The following MKX variants were observed in gnomAD, a reference collection of about 807,000 sequenced individuals.
MKX encodes the protein homeobox protein Mohawk.
Under a neutral mutation model 36.0 loss-of-function variants are expected in MKX, and 13 were observed. The ratio of observed to expected loss-of-function variants is 0.36; its 90% CI spans 0.24 to 0.57. The LOEUF (loss-of-function observed/expected upper bound fraction) is 0.57, where lower values mean the gene tolerates loss of function less well. MKX is among the 20% of genes least tolerant of loss of function. The pLI is 0.79. For synonymous variants in MKX, 176 were observed against 178.3 expected (o/e 0.99, Z 0.10); for missense variants, 458 against 456.4 (o/e 1.00, Z -0.03).
intron 5 of MKX, among the ~76,000 whole-genome samples, chr10:27,684,386 C>T (rs957013730): frequency 1.3e-5 from 2 of 151,822 alleles, no homozygotes; most frequent in Non-Finnish European, 2.9e-5. Flanking sequence ...TGTTGTTTTT[C>T]TTTAATAAGA....
At chr10:27,676,671 T>C (rs1400594860) in intron 5 of MKX, among the ~76,000 whole-genome samples, 1 of 152,178 alleles carries the variant, frequency 6.6e-6, no homozygotes, top group African/African-American at 2.4e-5. Flanking sequence ...CCACCGTGCC[T>C]GGCCAGTTAT....
chr10:27,724,943 C>T (rs1204942364), intron 5 of MKX, among the ~76,000 whole-genome samples: 6 of 152,068 alleles, frequency 3.9e-5, no homozygotes, highest in Non-Finnish European at 2.9e-5. Flanking sequence ...AACCTTTCCA[C>T]TCTAGCTATT....
chr10:27,741,369 G>T lies in MKX; in HGVS notation c.324C>A (p.Leu108=), dbSNP rs1010105754. Residue 108 remains leucine (L), a synonymous_variant, in exon 3 of 7, where the codon CTC becomes CTA. Coordinates refer to ENST00000419761, the MANE Select transcript of MKX (RefSeq NM_173576.3). This position sits in a 1 kb window ranked among gnomAD's most constrained non-coding sequence, Gnocchi z 5.1. ...CCTGCACTAGCGTCATCTGCGAGCC[G>T]AGGGCCAAGAGTATCTTCTCGGTCT... ...PTKTEKILLA[L]GSQMTLVQVS... is the part of the protein sequence containing the mutation. The T allele has an allele frequency of 6.2e-7, 1 of 1,613,058 alleles. No homozygotes were observed. The highest frequency in any genetic ancestry group is 8.5e-7 in the Non-Finnish European group (1 of 1,179,616).
At chr10:27,699,642 T>C (rs1836617535) in intron 5 of MKX, among the ~76,000 whole-genome samples, 1 of 152,182 alleles carries the variant, frequency 6.6e-6, no homozygotes, top group Non-Finnish European at 1.5e-5. Context: ...AAGGCTTTCT[T>C]ATAGAAAGAG....
chr10:27,722,155 C>T (rs144237513), intron 5 of MKX, among the ~76,000 whole-genome samples: 8 of 152,274 alleles, frequency 5.3e-5, no homozygotes, highest in South Asian at 2.1e-4. Context: ...AAATGACACA[C>T]GACATAAGGC....
At chr10:27,729,233 T>C (rs560215454) in intron 5 of MKX, among the ~76,000 whole-genome samples, 138 of 151,140 alleles carry the variant, frequency 9.1e-4, no homozygotes, top group Admixed American at 1.6e-3. Flanking sequence ...GATAAATTTA[T>C]AAAGTATATG....
chr10:27,680,664 C>T (rs1463424731), intron 5 of MKX, among the ~76,000 whole-genome samples: 2 of 151,972 alleles, frequency 1.3e-5, no homozygotes, highest in East Asian at 3.8e-4. Context: ...ATCTTTTTCT[C>T]TGAGGTTTTT....
At chr10:27,683,698 C>A (rs1366397218) in intron 5 of MKX, among the ~76,000 whole-genome samples, 2 of 152,202 alleles carry the variant, frequency 1.3e-5, no homozygotes, top group Admixed American at 6.5e-5. Flanking sequence ...GTGTTACTGA[C>A]CTCAGAAGTC....
At chr10:27,685,422 C>A in intron 5 of MKX, among the ~76,000 whole-genome samples, 1 of 148,512 alleles carries the variant, frequency 6.7e-6, no homozygotes, top group African/African-American at 2.5e-5. Flanking sequence ...TTGAGATCTT[C>A]TTTATACTTT....
In MKX at chr10:27,741,217, C is replaced by T. The variant is rs1344896194; in HGVS notation, c.348+128G>A. ...ATGAGGGTGAGAGGTAATTCAGAAACTCCCACAGCTCGGCTCCATCCCTCT... is the reference window on the plus strand; with the variant it reads ...ATGAGGGTGAGAGGTAATTCAGAAATTCCCACAGCTCGGCTCCATCCCTCT... On this transcript the variant is annotated intron_variant, in intron 3 of 6. Coordinates refer to ENST00000419761, the MANE Select transcript of MKX (RefSeq NM_173576.3). The surrounding 1 kb of genome is among the most constrained non-coding windows in gnomAD (Gnocchi z 5.1). 2 of 1,185,640 alleles carry T rather than the reference C, an allele frequency of 1.7e-6. No homozygotes were observed. Among genetic ancestry groups the T allele is most frequent in the Admixed American group, 2.3e-5 (1 of 44,100 alleles). The allele number at this position is 1,185,640 out of a possible 1,614,324, so 73.4% of individuals were successfully genotyped here. A position where few individuals can be genotyped will look rare whatever the true frequency, so the allele number is the denominator to read the frequency against.
At chr10:27,721,672 T>C (rs1279077075) in intron 5 of MKX, among the ~76,000 whole-genome samples, 2 of 152,060 alleles carry the variant, frequency 1.3e-5, no homozygotes, top group African/African-American at 4.8e-5. Flanking sequence ...AGCTAAAGCA[T>C]GTTGGGCTTA....
At chr10:27,708,811 T>TCTGCA (rs1392198366) in intron 5 of MKX, among the ~76,000 whole-genome samples, 1 of 151,776 alleles carries the variant, frequency 6.6e-6, no homozygotes. Flanking sequence ...GAACTCCATG[T>TCTGCA]CTGCATCTGC....
At chr10:27,722,779 C>T (rs1204890539) in intron 5 of MKX, among the ~76,000 whole-genome samples, 3 of 152,106 alleles carry the variant, frequency 2.0e-5, no homozygotes, top group African/African-American at 7.2e-5. Context: ...ATTCCTTCAA[C>T]CCAGCCTCTA....
At position 27,735,216 on chromosome 10, in the gene MKX, C is replaced by A; in HGVS notation, c.502+5G>T. 1 of 1,531,094 alleles carries A rather than the reference C, an allele frequency of 6.5e-7. No individual in the cohort carries two copies. Among genetic ancestry groups the A allele is most frequent in the Non-Finnish European group, 8.8e-7 (1 of 1,140,320 alleles). 94.8% of individuals were successfully genotyped at this position (1,531,094 alleles called of 1,614,324 possible). ...AAAGAAAGCAAAATAAAAATATTAA[C>A]AAACCTTCAGAACATGAGTCATCAC... On this transcript the variant is annotated splice_donor_5th_base_variant and intron_variant, in intron 4 of 6. Coordinates refer to ENST00000419761, the MANE Select transcript of MKX (RefSeq NM_173576.3).
chr10:27,684,216 G>A (rs572088368), intron 5 of MKX, among the ~76,000 whole-genome samples: 2 of 152,170 alleles, frequency 1.3e-5, no homozygotes, highest in East Asian at 1.9e-4. Flanking sequence ...TTGGAAGGCC[G>A]AGGTGGGAGG....
At chr10:27,696,464 A>C (rs991792757) in intron 5 of MKX, among the ~76,000 whole-genome samples, 1 of 152,164 alleles carries the variant, frequency 6.6e-6, no homozygotes, top group Non-Finnish European at 1.5e-5. Flanking sequence ...ACAATCCAGA[A>C]TAGTTTTTGT....
chr10:27,730,897 G>A (rs1275280140), intron 5 of MKX, among the ~76,000 whole-genome samples: 1 of 151,930 alleles, frequency 6.6e-6, no homozygotes, highest in African/African-American at 2.4e-5. Flanking sequence ...CACTTTGGGA[G>A]GCTGAGCCTG....
At chr10:27,729,588 T>A (rs1834578411) in intron 5 of MKX, among the ~76,000 whole-genome samples, 1 of 152,016 alleles carries the variant, frequency 6.6e-6, no homozygotes, top group African/African-American at 2.4e-5. Context: ...ATTACAGGCA[T>A]GAGCCACCGC....
intron 1 of MKX, among the ~76,000 whole-genome samples, chr10:27,743,977 A>G (rs1834985910): frequency 6.6e-6 from 1 of 151,926 alleles, no homozygotes; most frequent in Non-Finnish European, 1.5e-5. Context: ...TAATGTGCCA[A>G]CCGTATCCAC....
Sources: allele counts gnomAD v4.1 joint callset (sites outside exome capture counted in the v4.1 genomes callset), GRCh38; gene constraint gnomAD v4.1.1; non-coding constraint Gnocchi (gnomAD v3.1); transcripts MANE v1.5; gene names NCBI Gene and HGNC (gene_info 2026-07-23, HGNC 2026-07-21).